ASCC1: variants seen among roughly 807,000 people sequenced by gnomAD.
The protein encoded by ASCC1 is activating signal cointegrator 1 complex subunit 1.
Under a neutral mutation model 46.6 loss-of-function variants are expected in ASCC1, and 35 were observed. That is an observed-to-expected ratio of 0.75 (90% CI 0.57 to 0.99). The LOEUF (loss-of-function observed/expected upper bound fraction) is 0.99. ASCC1 is among the 50% of genes least tolerant of loss of function. ASCC1 has a pLI of 0.00. For missense variants in ASCC1, 376 were observed against 428.7 expected (o/e 0.88, Z 1.09); for synonymous variants, 143 against 146.6 (o/e 0.98, Z 0.18).
At chr10:72,215,938 C>G (rs1247320320) in intron 1 of ASCC1, 1 of 152,320 alleles carries the variant, frequency 6.6e-6, no homozygotes, top group East Asian at 1.9e-4. Context: ...CGGAATTCCT[C>G]TACGCGAGCG....
chr10:72,118,128 G>T (rs1465523533), intron 9 of ASCC1, among the ~76,000 whole-genome samples: 1 of 152,146 alleles, frequency 6.6e-6, no homozygotes, highest in Non-Finnish European at 1.5e-5. Context: ...AGCACTTTGG[G>T]AGGCTGAGGC....
chr10:72,151,378 A>G (rs967841011), intron 7 of ASCC1, among the ~76,000 whole-genome samples: 16 of 147,508 alleles, frequency 1.1e-4, no homozygotes, highest in Non-Finnish European at 1.8e-4. Context: ...TCTCACTCAT[A>G]GGTGGGAATT....
chr10:72,134,940 A>T (rs1389322057), intron 7 of ASCC1, among the ~76,000 whole-genome samples: 1 of 152,168 alleles, frequency 6.6e-6, no homozygotes, highest in Non-Finnish European at 1.5e-5. Flanking sequence ...CACACTGGGG[A>T]TAGAAATCTT....
intron 5 of ASCC1, 40 bp downstream of exon 5, chr10:72,196,771 T>C (rs1265661536): frequency 1.3e-6 from 2 of 1,574,656 alleles, no homozygotes; most frequent in Non-Finnish European, 1.7e-6. Context: ...CTTTTTATAT[T>C]TAACTTTTTT....
Position 72,176,211 on chromosome 10 carries a change from C to G in ASCC1, c.490-14537G>C, listed in dbSNP as rs1331703162. On this transcript the variant is annotated intron_variant, in intron 5 of 9. Transcript: ENST00000672957. ...CTATTCTTCTTTCAATAGACAGTAT[C>G]GATAGCCTCCCAACTGGTACCTGCC... 1.2e-4 allele frequency among the ~76,000 whole-genome samples: 19 copies of G among 152,286 alleles called. 1 individual carries two copies. In the South Asian group the frequency reaches 3.1e-3, roughly 25 times the overall value.
At chr10:72,136,928 C>G (rs61362698) in intron 7 of ASCC1, among the ~76,000 whole-genome samples, 1,764 of 152,048 alleles carry the variant, frequency 0.012, 24 homozygotes, top group African/African-American at 0.04. Context: ...CCGGACACAT[C>G]TGAACATCTG....
chr10:72,107,816 T>G (rs1166814129), intron 9 of ASCC1, among the ~76,000 whole-genome samples: 1 of 152,248 alleles, frequency 6.6e-6, no homozygotes, highest in African/African-American at 2.4e-5. Context: ...TGTGATTATG[T>G]GAGTCACTTA....
At chr10:72,117,073 C>T (rs1384297451) in intron 9 of ASCC1, among the ~76,000 whole-genome samples, 1 of 152,306 alleles carries the variant, frequency 6.6e-6, no homozygotes, top group African/African-American at 2.4e-5. Context: ...GCTGGGATTA[C>T]AGGCGTGAGC....
At chr10:72,116,639 G>A (rs955857004) in intron 9 of ASCC1, among the ~76,000 whole-genome samples, 14 of 152,058 alleles carry the variant, frequency 9.2e-5, no homozygotes, top group African/African-American at 3.1e-4. Context: ...TCCAGTTCAC[G>A]ATTTCCCTCT....
intron 9 of ASCC1, chr10:72,102,471 T>TA: frequency 7.4e-7 from 1 of 1,343,678 alleles, no homozygotes; most frequent in Non-Finnish European, 1.0e-6. Context: ...CGTCCCTCCT[T>TA]TTATTGAGTT....
intron 2 of ASCC1, 52 bp downstream of exon 2, chr10:72,213,135 C>T (rs1858414693): frequency 4.7e-6 from 6 of 1,286,918 alleles, no homozygotes; most frequent in South Asian, 1.2e-5. Context: ...ATTGATCCTA[C>T]AATACACAGG....
At chr10:72,182,894 A>G (rs562272138) in intron 5 of ASCC1, among the ~76,000 whole-genome samples, 1 of 140,888 alleles carries the variant, frequency 7.1e-6, no homozygotes, top group Admixed American at 6.6e-5. Flanking sequence ...CTGAGGGGGG[A>G]AAATATAAAG....
intron 7 of ASCC1, among the ~76,000 whole-genome samples, chr10:72,146,454 G>C (rs995955237): frequency 2.0e-5 from 3 of 152,324 alleles, no homozygotes; most frequent in African/African-American, 4.8e-5. Context: ...GAGTGCAGGA[G>C]ATGAAAATAG....
rs1268117240 is a variant in ASCC1 at position 72,133,908 on chromosome 10, C to T, written c.747-727G>A. On this transcript the variant is annotated intron_variant, in intron 7 of 9. Transcript: ENST00000672957. ...TTTAATCCTCATAACCAATTATTAT[C>T]CCTATTTACCAATACAGAAGCCAAG... 2.6e-5 allele frequency: 4 copies of T among 152,538 alleles called. No individual in the cohort carries two copies. In the East Asian group the frequency reaches 7.7e-4, roughly 29 times the overall value. 9.4% of individuals were successfully genotyped at this position (152,538 alleles called of 1,614,324 possible).
At chr10:72,203,657 G>T in intron 3 of ASCC1, 133 bp from the exon 4 acceptor site, 1 of 727,036 alleles carries the variant, frequency 1.4e-6, no homozygotes, top group Non-Finnish European at 2.4e-6. Flanking sequence ...CAATATTTGC[G>T]GAAGAAATTA....
At chr10:72,161,953 A>G (rs1279166051) in intron 5 of ASCC1, among the ~76,000 whole-genome samples, 1 of 152,198 alleles carries the variant, frequency 6.6e-6, no homozygotes, top group African/African-American at 2.4e-5. Flanking sequence ...CTCAGATATG[A>G]CACCAAAAAC....
intron 7 of ASCC1, among the ~76,000 whole-genome samples, chr10:72,136,855 C>CA (rs1032910879): frequency 2.0e-5 from 3 of 151,770 alleles, no homozygotes; most frequent in Non-Finnish European, 4.4e-5. Context: ...ACACTCACTG[C>CA]AAAGGTCTGC....
chr10:72,190,712 T>C (rs1170598460), intron 5 of ASCC1: 1 of 606,282 alleles, frequency 1.6e-6, no homozygotes, highest in African/African-American at 1.9e-5. Context: ...ACAGTTAAAG[T>C]GAAGGCCGGG....
chr10:72,197,623 T>C (rs888952849), intron 4 of ASCC1, among the ~76,000 whole-genome samples: 2 of 151,944 alleles, frequency 1.3e-5, no homozygotes, highest in Admixed American at 6.6e-5. Flanking sequence ...AAGTTGAACA[T>C]AGCTGGGTGC....
Sources: allele counts gnomAD v4.1 joint callset (sites outside exome capture counted in the v4.1 genomes callset), GRCh38; gene constraint gnomAD v4.1.1; transcripts MANE v1.5; gene names NCBI Gene and HGNC (gene_info 2026-07-23, HGNC 2026-07-21).